The following EPB41L5 variants were observed in gnomAD, a reference collection of about 807,000 sequenced individuals.
The protein encoded by EPB41L5 is band 4.1-like protein 5.
A neutral mutation model predicts 106.6 loss-of-function variants in EPB41L5; 55 were observed. That is an observed-to-expected ratio of 0.52 (90% CI 0.42 to 0.65). EPB41L5 has a LOEUF of 0.65. EPB41L5 is among the 30% of genes least tolerant of loss of function. The pLI, the probability that EPB41L5 is intolerant of heterozygous loss-of-function variation, is 0.00. For missense variants in EPB41L5, 871 were observed against 882.1 expected, an observed-to-expected ratio of 0.99 and a Z score of 0.16; for synonymous variants, 297 against 306.7, an observed-to-expected ratio of 0.97 and a Z score of 0.33.
At chr2:120,026,751 A>G (rs986284657) in intron 2 of EPB41L5, among the ~76,000 whole-genome samples, 1 of 152,202 alleles carries the variant, frequency 6.6e-6, no homozygotes, top group Non-Finnish European at 1.5e-5. Flanking sequence ...CAAAATGAAA[A>G]ATTTTTCATT....
intron 18 of EPB41L5, among the ~76,000 whole-genome samples, chr2:120,140,878 G>A (rs568435335): frequency 1.1e-4 from 16 of 152,186 alleles, no homozygotes; most frequent in Admixed American, 7.9e-4. Context: ...CTTAAGGAAT[G>A]CAAATTAATC....
At chr2:120,122,473 A>C (rs1173454512) in intron 16 of EPB41L5, among the ~76,000 whole-genome samples, 1 of 152,162 alleles carries the variant, frequency 6.6e-6, no homozygotes, top group Non-Finnish European at 1.5e-5. Context: ...TTTGTCAAAG[A>C]TCAGATGGTT....
intron 3 of EPB41L5, among the ~76,000 whole-genome samples, chr2:120,042,651 A>AT (rs774248401): frequency 1.3e-5 from 2 of 152,156 alleles, no homozygotes; most frequent in African/African-American, 2.4e-5. Flanking sequence ...CTATATTAGG[A>AT]TTTTACTGGA....
chr2:120,133,292 C>T (rs1233183467), intron 18 of EPB41L5, among the ~76,000 whole-genome samples: 16 of 152,028 alleles, frequency 1.1e-4, no homozygotes, highest in Admixed American at 6.6e-5. Context: ...TCATAAGAAC[C>T]GGAAATCAGG....
At chr2:120,084,277 C>T (rs940753795) in intron 10 of EPB41L5, among the ~76,000 whole-genome samples, 30 of 152,094 alleles carry the variant, frequency 2.0e-4, no homozygotes, top group African/African-American at 6.5e-4. Context: ...TGTTCCTTTC[C>T]GTGTTTAGTG....
intron 24 of EPB41L5, 129 bp downstream of exon 24, chr2:120,168,136 C>A (rs1439581860): frequency 1.8e-6 from 2 of 1,083,548 alleles, no homozygotes; most frequent in African/African-American, 3.2e-5. Flanking sequence ...TGGGGCAAAT[C>A]TTTTTTCTGT....
rs116119008 is a variant in EPB41L5, at chr2:120,019,252, T to C, written c.168T>C (p.Ser56=). The C allele has an allele frequency of 2.2e-4, 356 of 1,608,202 alleles. No individual in the cohort carries two copies. The highest frequency in any genetic ancestry group is 2.8e-4 in the Non-Finnish European group (334 of 1,178,458). ...CCCTTCTGGATGGTACTGATGTTAG[T>C]GTGGACTTGCCAGTAAGTAGGTCTT... is the stretch of plus-strand genomic sequence containing the variant. The part of the protein sequence containing the change: ...RVSLLDGTDV[S]VDLPKKAKGQ... Residue 56 remains serine (S), a synonymous_variant, in exon 2 of 25, where the codon AGT becomes AGC. Transcript: ENST00000263713.
At chr2:120,105,448 C>G in intron 16 of EPB41L5, 1 of 985,308 alleles carries the variant, frequency 1.0e-6, no homozygotes. Context: ...TCAAATCCTT[C>G]CTGCCAGACA....
chr2:120,048,526 T>G (rs1679986588), intron 3 of EPB41L5, among the ~76,000 whole-genome samples: 1 of 152,152 alleles, frequency 6.6e-6, no homozygotes, highest in Non-Finnish European at 1.5e-5. Flanking sequence ...CATTTTTTAT[T>G]GCGTCTATTT....
At chr2:120,089,839 C>G (rs1398094750) in intron 11 of EPB41L5, among the ~76,000 whole-genome samples, 1 of 151,966 alleles carries the variant, frequency 6.6e-6, no homozygotes, top group Admixed American at 6.6e-5. Flanking sequence ...TGATTTTGGG[C>G]TTAATTTCTT....
intron 1 of EPB41L5, among the ~76,000 whole-genome samples, chr2:120,018,262 C>T (rs1677680604): frequency 2.6e-5 from 4 of 152,070 alleles, no homozygotes; most frequent in Middle Eastern, 3.4e-3. Context: ...CCACCGCGCC[C>T]GGCCACTTCT....
At chr2:120,077,134 A>C in intron 8 of EPB41L5, 43 bp downstream of exon 8, 1 of 1,596,506 alleles carries the variant, frequency 6.3e-7, no homozygotes, top group East Asian at 2.2e-5. Context: ...TCACCACAAC[A>C]GTTATTTCAT....
At chr2:120,067,218 C>T (rs1447218559) in intron 3 of EPB41L5, among the ~76,000 whole-genome samples, 1 of 152,166 alleles carries the variant, frequency 6.6e-6, no homozygotes, top group African/African-American at 2.4e-5. Flanking sequence ...TTTATTTAAA[C>T]ATGGAAAGGT....
At chr2:120,021,791 C>G (rs1677950066) in intron 2 of EPB41L5, among the ~76,000 whole-genome samples, 1 of 152,114 alleles carries the variant, frequency 6.6e-6, no homozygotes, top group African/African-American at 2.4e-5. Context: ...ATAATAATTT[C>G]TAAAAAAGAA....
chr2:120,142,204 TAC>T, intron 18 of EPB41L5, among the ~76,000 whole-genome samples: 1 of 151,844 alleles, frequency 6.6e-6, no homozygotes, highest in South Asian at 2.1e-4. Flanking sequence ...TGGTAATAAA[TAC>T]ATTTATATTA....
chr2:120,127,951 C>G, intron 17 of EPB41L5, 100 bp downstream of exon 17: 1 of 1,127,216 alleles, frequency 8.9e-7, no homozygotes, highest in Non-Finnish European at 1.2e-6. Flanking sequence ...TGTACTAGTT[C>G]AACTTTTAAA....
chr2:120,127,076 C>A (rs1685488059), intron 16 of EPB41L5, among the ~76,000 whole-genome samples: 1 of 152,058 alleles, frequency 6.6e-6, no homozygotes. Context: ...TATAGATATA[C>A]AATTGATTTT....
chr2:120,150,612 G>T (rs184088968), intron 20 of EPB41L5, among the ~76,000 whole-genome samples: 1 of 151,920 alleles, frequency 6.6e-6, no homozygotes, highest in African/African-American at 2.4e-5. Flanking sequence ...AAAGTGTTGG[G>T]ATTACAGGTG....
chr2:120,105,738 A>T, intron 16 of EPB41L5: 1 of 985,418 alleles, frequency 1.0e-6, no homozygotes, highest in Non-Finnish European at 1.2e-6. Context: ...AAAAATGGCC[A>T]CTAATGTATG....
Sources: gnomAD v4.1 joint callset for allele counts (sites outside exome capture counted in the v4.1 genomes callset) on GRCh38, gnomAD v4.1.1 for gene constraint, MANE v1.5 for transcripts, NCBI Gene and HGNC (gene_info 2026-07-23, HGNC 2026-07-21) for gene names.